The following NHS variants were observed in gnomAD, a reference collection of about 807,000 sequenced individuals.
The protein encoded by NHS is NHS actin remodeling regulator.
Under a neutral mutation model 72.5 loss-of-function variants are expected in NHS, and 5 were observed. The ratio of observed to expected loss-of-function variants is 0.07; its 90% confidence interval spans 0.04 to 0.14. The LOEUF (loss-of-function observed/expected upper bound fraction) is 0.14. Ranked by LOEUF, NHS falls within the 10% of genes least tolerant of loss-of-function variation. NHS has a pLI of 1.00. For missense variants in NHS, 1,072 were observed against 1,355.7 expected (o/e 0.79, Z 3.29); for synonymous variants, 464 against 547.7 (o/e 0.85, Z 2.13).
At chrX:17,596,002 G>A (rs1201288881) in intron 1 of NHS, among the ~76,000 whole-genome samples, 1 of 107,690 alleles carries the variant, frequency 9.3e-6, no homozygotes, top group African/African-American at 3.4e-5. Flanking sequence ...CTGGGCTGGA[G>A]TTAAATTACA....
intron 1 of NHS, chrX:17,687,470 G>T (rs1262424076): frequency 2.6e-6 from 1 of 388,417 alleles, no homozygotes; most frequent in Non-Finnish European, 4.6e-6. Flanking sequence ...CAAGGGTGAG[G>T]AATGAAGGTA....
chrX:17,378,976 G>A (rs751382071), intron 1 of NHS, among the ~76,000 whole-genome samples: 22 of 111,663 alleles, frequency 2.0e-4, no homozygotes, highest in African/African-American at 6.8e-4. Flanking sequence ...GGTCACTAGC[G>A]GCATCAGCTG....
At position 17,724,399 on chromosome X, in the gene NHS, G is replaced by T; in HGVS notation, c.1209G>T (p.Ser403=). The change falls in exon 6 of 9, where the codon TCG becomes TCT. Residue 403 remains serine, a synonymous_variant. Coordinates refer to ENST00000676302, the MANE Select transcript of NHS (RefSeq NM_001291867.2). The part of the protein sequence containing the change: ...RRKLRRRKTI[S]GIPRRVQQEI... The stretch of plus-strand genomic sequence containing the variant: ...AATTGAGGAGGAGGAAAACCATCTC[G>T]GGTATCCCCAGAAGAGTTCAACAAG... 8.3e-7 allele frequency: 1 copy of T among 1,211,679 alleles called. No homozygotes were observed. Among genetic ancestry groups the T allele is most frequent in the Non-Finnish European group, 1.1e-6 (1 of 895,467 alleles).
At chrX:17,437,165 T>C (rs1312063936) in intron 1 of NHS, among the ~76,000 whole-genome samples, 2 of 111,448 alleles carry the variant, frequency 1.8e-5, no homozygotes, top group Non-Finnish European at 3.8e-5. Context: ...CGTTGCACTT[T>C]GTGTGTGTCT....
chrX:17,661,188 C>T (rs943394464), intron 1 of NHS, among the ~76,000 whole-genome samples: 2 of 112,067 alleles, frequency 1.8e-5, no homozygotes, highest in Admixed American at 1.9e-4. Context: ...TATCCTCAGA[C>T]ATAAACTAAG....
At chrX:17,696,640 T>A in intron 3 of NHS, among the ~76,000 whole-genome samples, 1 of 112,016 alleles carries the variant, frequency 8.9e-6, no homozygotes, top group Non-Finnish European at 1.9e-5. Context: ...CTTACAGTGC[T>A]GATGGCTGGA....
At chrX:17,664,843 T>C (rs2066002257) in intron 1 of NHS, among the ~76,000 whole-genome samples, 1 of 111,645 alleles carries the variant, frequency 9.0e-6, no homozygotes, top group African/African-American at 3.2e-5. Context: ...GGATATGCTA[T>C]AGCTTTTGAT....
chrX:17,457,898 G>T, intron 1 of NHS, among the ~76,000 whole-genome samples: 1 of 111,833 alleles, frequency 8.9e-6, no homozygotes, highest in Non-Finnish European at 1.9e-5. Flanking sequence ...ATTGATTTTT[G>T]ATAAGGCAGA....
intron 1 of NHS, among the ~76,000 whole-genome samples, chrX:17,453,951 G>A (rs1349345437): frequency 8.9e-6 from 1 of 111,899 alleles, no homozygotes. Flanking sequence ...ATGGCAGCAG[G>A]GGGCCTTTAA....
chrX:17,462,072 T>C lies in NHS; in HGVS notation c.565+85750T>C, dbSNP rs114696429. 9.0e-3 allele frequency among the ~76,000 whole-genome samples: 999 copies of C among 111,372 alleles called. 14 individuals carry two copies. The highest frequency in any genetic ancestry group is 0.031 in the African/African-American group (961 of 30,655). On this transcript the variant is annotated intron_variant, in intron 1 of 8. Transcript: ENST00000676302. ...ATAGATTCTACATCATGATGGGAGA[T>C]CTGCAATGTTATATTGCAAGGATGT...
intron 1 of NHS, among the ~76,000 whole-genome samples, chrX:17,534,570 A>G (rs1393926145): frequency 9.0e-6 from 1 of 111,407 alleles, no homozygotes; most frequent in Non-Finnish European, 1.9e-5. Flanking sequence ...GTGGCCCCAT[A>G]AATGGCAACT....
chrX:17,537,936 C>G (rs1053541787), intron 1 of NHS, among the ~76,000 whole-genome samples: 1 of 111,750 alleles, frequency 8.9e-6, no homozygotes, highest in African/African-American at 3.3e-5. Context: ...AAAAGGGAAG[C>G]TGTTCCCAGC....
intron 1 of NHS, among the ~76,000 whole-genome samples, chrX:17,486,887 A>G (rs959299017): frequency 9.0e-6 from 1 of 111,492 alleles, no homozygotes; most frequent in African/African-American, 3.3e-5. Flanking sequence ...TCTAACCACC[A>G]TAGCAACCTA....
intron 1 of NHS, among the ~76,000 whole-genome samples, chrX:17,442,575 T>G (rs1601708763): frequency 8.9e-6 from 1 of 112,313 alleles, no homozygotes; most frequent in African/African-American, 3.2e-5. Context: ...GTTGAGAGAA[T>G]AAATGGATGT....
chrX:17,728,346 T>C lies in NHS; in HGVS notation c.4222+18T>C, dbSNP rs780955507. On this transcript the variant is annotated intron_variant, in intron 7 of 8. Transcript: ENST00000676302. ...ATTGAAAGGTCAGTCACTGATAACT[T>C]TGTCATAAAGGAAATGTGTCTCATG... 149 of 1,192,165 alleles carry C rather than the reference T, an allele frequency of 1.2e-4. No individual in the cohort carries two copies. Among genetic ancestry groups the C allele is most frequent in the Non-Finnish European group, 1.6e-4 (145 of 879,748 alleles).
At chrX:17,427,440 T>G (rs1375158015) in intron 1 of NHS, among the ~76,000 whole-genome samples, 1 of 112,541 alleles carries the variant, frequency 8.9e-6, no homozygotes. Flanking sequence ...TTGTTATGAT[T>G]GTGTTTATGA....
intron 4 of NHS, among the ~76,000 whole-genome samples, chrX:17,720,451 C>A (rs1480337409): frequency 8.9e-6 from 1 of 112,208 alleles, no homozygotes; most frequent in African/African-American, 3.2e-5. Flanking sequence ...TATACAGATA[C>A]CCACCTTCCT....
chrX:17,379,529 C>T (rs1025326992), intron 1 of NHS, among the ~76,000 whole-genome samples: 11 of 112,067 alleles, frequency 9.8e-5, no homozygotes, highest in Non-Finnish European at 1.3e-4. Context: ...AATCCCAGCA[C>T]TTTGGGAGGC....
intron 1 of NHS, among the ~76,000 whole-genome samples, chrX:17,555,765 G>GC (rs1046853429): frequency 9.0e-6 from 1 of 111,536 alleles, no homozygotes; most frequent in African/African-American, 3.3e-5. Flanking sequence ...TGCCTGGATT[G>GC]CCCCATACTC....
Sources: allele counts gnomAD v4.1 joint callset (sites outside exome capture counted in the v4.1 genomes callset), GRCh38; gene constraint gnomAD v4.1.1; transcripts MANE v1.5; gene names NCBI Gene and HGNC (gene_info 2026-07-23, HGNC 2026-07-21).